The following VAPA variants were observed in gnomAD, a reference collection of about 807,000 sequenced individuals.
The protein encoded by VAPA is vesicle-associated membrane protein-associated protein A.
In VAPA, 6 loss-of-function variants were observed where a neutral mutation model predicts 25.6. The observed-to-expected ratio is 0.23, with a 90% confidence interval of 0.13 to 0.46. The LOEUF is 0.46. Ranked by LOEUF, VAPA falls within the 20% of genes least tolerant of loss-of-function variation. The pLI is 0.99. For synonymous variants in VAPA, 112 were observed against 106.2 expected (o/e 1.05, Z -0.34); for missense variants, 244 against 302.1 (o/e 0.81, Z 1.43).
chr18:9,923,234 T>G (rs78202009), intron 1 of VAPA, among the ~76,000 whole-genome samples: 83 of 152,208 alleles, frequency 5.5e-4, no homozygotes, highest in African/African-American at 1.9e-3. Flanking sequence ...GTGAGAAGTT[T>G]AGTTACGTAT....
chr18:9,931,207 A>G (rs1219475925), intron 1 of VAPA, among the ~76,000 whole-genome samples: 1 of 152,242 alleles, frequency 6.6e-6, no homozygotes, highest in Non-Finnish European at 1.5e-5. Flanking sequence ...TTCTTCAGCA[A>G]AATGGATCAG....
chr18:9,955,997 T>C lies in VAPA; in HGVS notation c.*1786T>C, dbSNP rs1474245880. 2.6e-5 allele frequency: 4 copies of C among 152,240 alleles called. No homozygotes were observed. Among genetic ancestry groups the C allele is most frequent in the African/African-American group, 7.2e-5 (3 of 41,462 alleles). 9.4% of individuals were successfully genotyped at this position (152,240 alleles called of 1,614,324 possible). On this transcript the variant is annotated 3_prime_UTR_variant, in exon 6 of 6. Coordinates refer to ENST00000400000, the MANE Select transcript of VAPA (RefSeq NM_194434.3). ...CAGTAATTCCTTGGCTTAAAGCTCTTATATAATCAATATTATTGGTGGTAA... is the reference window on the plus strand; with the variant it reads ...CAGTAATTCCTTGGCTTAAAGCTCTCATATAATCAATATTATTGGTGGTAA...
intron 1 of VAPA, among the ~76,000 whole-genome samples, chr18:9,921,860 T>C (rs1216619561): frequency 6.6e-6 from 1 of 152,226 alleles, no homozygotes; most frequent in African/African-American, 2.4e-5. Context: ...CTTTCAAACA[T>C]GAGCACCTTA....
chr18:9,922,869 G>A (rs1372606368), intron 1 of VAPA, among the ~76,000 whole-genome samples: 3 of 151,826 alleles, frequency 2.0e-5, no homozygotes, highest in African/African-American at 7.3e-5. Context: ...CTTCAGTATG[G>A]GTTTTTTTAA....
chr18:9,935,276 TAAAAC>T (rs2069297402), intron 2 of VAPA, among the ~76,000 whole-genome samples: 1 of 151,804 alleles, frequency 6.6e-6, no homozygotes, highest in African/African-American at 2.4e-5. Context: ...TTAATTATAT[TAAAAC>T]AATATATGGG....
rs555508884 is a variant in VAPA, at chr18:9,918,522, A to G, written c.79+4187A>G. 2.0e-5 allele frequency among the ~76,000 whole-genome samples: 3 copies of G among 151,494 alleles called. No individual in the cohort carries two copies. The South Asian group carries it at 6.2e-4, about 32-fold the overall frequency. ...TCTTGACAGTACCGACAGTTTCTCT[A>G]AAAAAAACCCTCAATTCTTCTGGCT... is the stretch of plus-strand genomic sequence containing the variant. On this transcript the variant is annotated intron_variant, in intron 1 of 5. Transcript: ENST00000400000.
At chr18:9,945,839 G>GA (rs977191179) in intron 4 of VAPA, among the ~76,000 whole-genome samples, 4 of 150,810 alleles carry the variant, frequency 2.7e-5, no homozygotes, top group East Asian at 3.9e-4. Context: ...TTTAGAGTGG[G>GA]AAAAAAAAAC....
chr18:9,934,585 A>G (rs1392269574), intron 2 of VAPA, among the ~76,000 whole-genome samples: 1 of 152,214 alleles, frequency 6.6e-6, no homozygotes, highest in Non-Finnish European at 1.5e-5. Context: ...TTATTACATA[A>G]TTATTTCTTA....
chr18:9,937,156 G>T, intron 4 of VAPA, 90 bp downstream of exon 4: 1 of 932,650 alleles, frequency 1.1e-6, no homozygotes. Context: ...TTTGAGGTAT[G>T]TGTGATATGG....
In VAPA at chr18:9,939,173, CT is replaced by C. The variant is rs748625580; in HGVS notation, c.417+2123del. On this transcript the variant is annotated intron_variant, in intron 4 of 5. Transcript: ENST00000400000. Reference sequence around the variant, plus strand: ...TGAAAATAAAGTCCAAATAGTTCTTCTTTTTTTTTTTTTTTTGAGACGGAGT... The same window carrying C: ...TGAAAATAAAGTCCAAATAGTTCTTCTTTTTTTTTTTTTTTGAGACGGAGT... 1.9e-3 allele frequency among the ~76,000 whole-genome samples: 264 copies of C among 137,832 alleles called. 1 individual carries two copies. Among genetic ancestry groups the C allele is most frequent in the East Asian group, 0.012 (60 of 4,816 alleles). The allele number at this position is 137,832 out of a possible 152,430, so 90.4% of individuals were successfully genotyped here. A position where few individuals can be genotyped will look rare whatever the true frequency, so the allele number is the denominator to read the frequency against.
intron 4 of VAPA, among the ~76,000 whole-genome samples, chr18:9,944,550 C>T (rs1417874385): frequency 2.6e-5 from 4 of 152,122 alleles, no homozygotes; most frequent in East Asian, 1.9e-4. Flanking sequence ...GATAAGAAGA[C>T]ATACAAGTGC....
intron 4 of VAPA, among the ~76,000 whole-genome samples, chr18:9,937,571 AG>A (rs1248770624): frequency 6.6e-6 from 1 of 152,102 alleles, no homozygotes; most frequent in East Asian, 1.9e-4. Flanking sequence ...CATTAGTGTA[AG>A]TCTAATACAA....
At chr18:9,937,883 T>C (rs567788231) in intron 4 of VAPA, among the ~76,000 whole-genome samples, 31 of 152,332 alleles carry the variant, frequency 2.0e-4, no homozygotes, top group Middle Eastern at 3.4e-3. Context: ...GCAGATTAAA[T>C]ATGTGGGCTC....
chr18:9,943,944 G>T (rs1288247537), intron 4 of VAPA, among the ~76,000 whole-genome samples: 2 of 133,630 alleles, frequency 1.5e-5, no homozygotes, highest in Non-Finnish European at 3.1e-5. Context: ...CACTGTAAGC[G>T]CCGCCTCCCG....
At chr18:9,927,245 A>G (rs532527967) in intron 1 of VAPA, among the ~76,000 whole-genome samples, 2 of 152,270 alleles carry the variant, frequency 1.3e-5, no homozygotes, top group South Asian at 4.1e-4. Context: ...CAAAATGTTC[A>G]TCGTAGAATG....
intron 4 of VAPA, among the ~76,000 whole-genome samples, chr18:9,946,552 C>T (rs1204241016): frequency 4.0e-5 from 6 of 151,334 alleles, no homozygotes; most frequent in African/African-American, 1.2e-4. Context: ...ATTTTTCTTC[C>T]AGTGAGGCCC....
At chr18:9,936,738 C>T (rs760232620) in intron 3 of VAPA, 3 of 212,738 alleles carry the variant, frequency 1.4e-5, no homozygotes, top group Non-Finnish European at 2.4e-5. Context: ...GAAAGAAATG[C>T]TAAGAAGAAA....
chr18:9,922,658 T>C (rs2069167190), intron 1 of VAPA, among the ~76,000 whole-genome samples: 1 of 152,032 alleles, frequency 6.6e-6, no homozygotes. Context: ...CAAGGTCATA[T>C]GGACTGGGAG....
rs576440131 is a variant in VAPA, at chr18:9,945,685, G to A, written c.418-4710G>A. 3.9e-5 allele frequency among the ~76,000 whole-genome samples: 6 copies of A among 152,154 alleles called. No individual in the cohort carries two copies. The South Asian group carries it at 1.0e-3, about 26-fold the overall frequency. On this transcript the variant is annotated intron_variant, in intron 4 of 5. Coordinates refer to ENST00000400000, the MANE Select transcript of VAPA (RefSeq NM_194434.3). The stretch of plus-strand genomic sequence containing the variant: ...GGCAACCCCACAGTTTTAACAGATT[G>A]TTTATACTTTGATTTGGTTTTGCAG...
Sources: allele counts gnomAD v4.1 joint callset (sites outside exome capture counted in the v4.1 genomes callset), GRCh38; gene constraint gnomAD v4.1.1; transcripts MANE v1.5; gene names NCBI Gene and HGNC (gene_info 2026-07-23, HGNC 2026-07-21).